NBEA: variants seen among roughly 807,000 people sequenced by gnomAD.
NBEA encodes lysosomal-trafficking regulator 2.
In NBEA, 44 loss-of-function variants were observed where a neutral mutation model predicts 343.4. The observed-to-expected ratio is 0.13, with a 90% CI of 0.10 to 0.16. The LOEUF (loss-of-function observed/expected upper bound fraction) is 0.16, where lower values mean the gene tolerates loss of function less well. Among genes scored for constraint, NBEA ranks in the 10% least tolerant of loss-of-function variants. NBEA has a pLI of 1.00. For missense variants in NBEA, 2,555 were observed against 3,631.3 expected (o/e 0.70, Z 7.62); for synonymous variants, 1,175 against 1,238.7 (o/e 0.95, Z 1.08).
At chr13:35,539,942 A>AAAAAAAAAAAAAAAAAAAT (rs1566289232) in intron 41 of NBEA, among the ~76,000 whole-genome samples, 1 of 147,700 alleles carries the variant, frequency 6.8e-6, no homozygotes, top group Non-Finnish European at 1.5e-5. Context: ...AAAAAAAAAA[A>AAAAAAAAAAAAAAAAAAAT]GTGCACTAGT....
intron 46 of NBEA, among the ~76,000 whole-genome samples, chr13:35,587,610 T>A (rs1272999615): frequency 6.6e-6 from 1 of 152,194 alleles, no homozygotes; most frequent in African/African-American, 2.4e-5. Flanking sequence ...TTGAAATACA[T>A]AAAGTGGTAT....
chr13:35,277,584 G>A (rs188790061), intron 34 of NBEA, among the ~76,000 whole-genome samples: 2 of 118,828 alleles, frequency 1.7e-5, no homozygotes, highest in African/African-American at 6.5e-5. Context: ...TCGCACCATT[G>A]CACTCCAGCC....
At chr13:35,202,457 T>C (rs57081354) in intron 31 of NBEA, among the ~76,000 whole-genome samples, 12,224 of 152,204 alleles carry the variant, frequency 0.08, 557 homozygotes, top group African/African-American at 0.12. Context: ...ATTATAAAAC[T>C]CACTTGCCTT....
At position 35,208,831 on chromosome 13, in the gene NBEA, CA is replaced by C; in HGVS notation, c.5503del (p.Ser1835ValfsTer2). On this transcript the variant is annotated frameshift_variant, in exon 32 of 59. Coordinates refer to ENST00000379939, the MANE Select transcript of NBEA (RefSeq NM_001385012.1). LOFTEE classifies it high-confidence loss of function. ...ATATTTGCTGCTACTGGAGCTACAC[CA>C]AAAAGTATGATTAATACAACAGGTA... ...SNIFAATGAT[P>X]KSMINTTGAV... 1.2e-6 allele frequency: 2 copies of C among 1,601,332 alleles called. No homozygotes were observed. Among genetic ancestry groups the C allele is most frequent in the Admixed American group, 1.7e-5 (1 of 58,570 alleles).
intron 3 of NBEA, 117 bp downstream of exon 3, chr13:35,045,164 A>G: frequency 1.6e-6 from 2 of 1,221,808 alleles, no homozygotes; most frequent in Admixed American, 5.3e-5. Flanking sequence ...CTTTCTTCTT[A>G]AATGATTTAG....
chr13:35,128,861 C>T (rs1317724997), intron 17 of NBEA, among the ~76,000 whole-genome samples: 2 of 152,026 alleles, frequency 1.3e-5, no homozygotes, highest in African/African-American at 4.8e-5. Flanking sequence ...ATATTCTGCT[C>T]TTTTAGCTGA....
chr13:35,419,598 A>G (rs564953929), intron 38 of NBEA, among the ~76,000 whole-genome samples: 36 of 152,204 alleles, frequency 2.4e-4, no homozygotes, highest in African/African-American at 8.2e-4. Flanking sequence ...ACGTATGTAC[A>G]TATACCATAA....
In NBEA at chr13:35,362,398, C is replaced by T. The variant is rs191974675; in HGVS notation, c.6179+10075C>T. Among the ~76,000 whole-genome samples, 342 of 151,894 alleles carry T rather than the reference C, an allele frequency of 2.3e-3. 2 individuals are homozygous for T. The highest frequency in any genetic ancestry group is 4.6e-3 in the Admixed American group (70 of 15,210). ...ATAATCCTAAATTAAATTTACCATTCTCTAATAAAGATTATGAATTATTAA... is the reference window on the plus strand; with the variant it reads ...ATAATCCTAAATTAAATTTACCATTTTCTAATAAAGATTATGAATTATTAA... On this transcript the variant is annotated intron_variant, in intron 38 of 58. Transcript: ENST00000379939.
Position 34,943,133 on chromosome 13 carries a change from C to T in NBEA, c.294+19C>T. 6.2e-7 allele frequency: 1 copy of T among 1,611,718 alleles called. No homozygotes were observed. The highest frequency in any genetic ancestry group is 1.1e-5 in the South Asian group (1 of 91,040). On this transcript the variant is annotated intron_variant, in intron 1 of 58. Coordinates refer to ENST00000379939, the MANE Select transcript of NBEA (RefSeq NM_001385012.1). ...CAACCTGGTAAGGAAAAGGCGTGCTCTCAATCTGCTTCCCCAGTCCCCACA... is the reference window on the plus strand; with the variant it reads ...CAACCTGGTAAGGAAAAGGCGTGCTTTCAATCTGCTTCCCCAGTCCCCACA...
At chr13:35,115,946 G>A (rs2066472586) in intron 13 of NBEA, among the ~76,000 whole-genome samples, 1 of 152,116 alleles carries the variant, frequency 6.6e-6, no homozygotes. Context: ...TTATTAATTG[G>A]TAGCAGAAAT....
intron 36 of NBEA, among the ~76,000 whole-genome samples, 156 bp from the exon 37 acceptor site, chr13:35,348,952 A>T (rs1705608693): frequency 6.6e-6 from 1 of 152,066 alleles, no homozygotes; most frequent in African/African-American, 2.4e-5. Context: ...TCTATATTTC[A>T]CATTTTACTG....
At chr13:35,471,146 C>T (rs536692233) in intron 40 of NBEA, among the ~76,000 whole-genome samples, 20 of 152,202 alleles carry the variant, frequency 1.3e-4, no homozygotes, top group Non-Finnish European at 2.6e-4. Context: ...CTTGTAATCG[C>T]GACAGAAGCC....
At chr13:35,274,623 T>G (rs1286859707) in intron 34 of NBEA, among the ~76,000 whole-genome samples, 3 of 152,186 alleles carry the variant, frequency 2.0e-5, no homozygotes, top group Non-Finnish European at 4.4e-5. Flanking sequence ...CCCCATCATC[T>G]CAGCCCCAAA....
At chr13:35,464,044 T>C (rs149876810) in intron 40 of NBEA, among the ~76,000 whole-genome samples, 15 of 151,970 alleles carry the variant, frequency 9.9e-5, no homozygotes, top group Non-Finnish European at 1.9e-4. Flanking sequence ...ATGAAAAAAA[T>C]TTAATTTTTT....
chr13:35,355,494 C>T (rs1372311644), intron 38 of NBEA, among the ~76,000 whole-genome samples: 1 of 152,074 alleles, frequency 6.6e-6, no homozygotes, highest in African/African-American at 2.4e-5. Flanking sequence ...ACTCGGTAGC[C>T]ACATGTGGCT....
chr13:35,062,742 G>A (rs767073824), intron 8 of NBEA, among the ~76,000 whole-genome samples: 2 of 151,746 alleles, frequency 1.3e-5, no homozygotes, highest in African/African-American at 4.8e-5. Flanking sequence ...TTTTTTATCC[G>A]GTGAAAATAT....
chr13:35,223,057 G>T (rs867450767), intron 33 of NBEA, among the ~76,000 whole-genome samples: 2 of 152,122 alleles, frequency 1.3e-5, no homozygotes, highest in African/African-American at 4.8e-5. Flanking sequence ...CTTAGAACCC[G>T]GGAGGCAGAG....
intron 1 of NBEA, among the ~76,000 whole-genome samples, chr13:34,998,696 C>A (rs865987831): frequency 6.6e-6 from 1 of 152,144 alleles, no homozygotes; most frequent in Non-Finnish European, 1.5e-5. Context: ...TCTCTTTTTT[C>A]CCTGAACATT....
intron 35 of NBEA, among the ~76,000 whole-genome samples, chr13:35,304,892 T>C (rs1446500467): frequency 6.6e-6 from 1 of 152,210 alleles, no homozygotes; most frequent in Non-Finnish European, 1.5e-5. Flanking sequence ...ATTAGTAAAC[T>C]ATATTTTTGA....
Sources: gnomAD v4.1 joint callset for allele counts (sites outside exome capture counted in the v4.1 genomes callset) on GRCh38, gnomAD v4.1.1 for gene constraint, MANE v1.5 for transcripts, NCBI Gene and HGNC (gene_info 2026-07-23, HGNC 2026-07-21) for gene names.